Variants in AKAP11 observed in about 807,000 individuals in gnomAD.
The protein encoded by AKAP11 is A-kinase anchor protein 11.
AKAP11 carries 36 observed loss-of-function variants against 146.1 expected under a neutral mutation model. The ratio of observed to expected loss-of-function variants is 0.25; its 90% CI spans 0.19 to 0.33. The LOEUF (loss-of-function observed/expected upper bound fraction) is 0.33. AKAP11 is among the 10% of genes least tolerant of loss of function. The pLI is 1.00. For synonymous variants in AKAP11, 780 were observed against 786.5 expected, an observed-to-expected ratio of 0.99 and a Z score of 0.14; for missense variants, 2,201 against 2,197.0, an observed-to-expected ratio of 1.00 and a Z score of -0.04.
chr13:42,286,164 G>A (rs898681565), intron 2 of AKAP11, 129 bp downstream of exon 2: 10 of 392,396 alleles, frequency 2.5e-5, no homozygotes, highest in African/African-American at 1.7e-4. Context: ...GTAAATTGGG[G>A]GGGGTGCTCA....
At chr13:42,275,951 G>T (rs1958906186) in intron 1 of AKAP11, among the ~76,000 whole-genome samples, 1 of 152,204 alleles carries the variant, frequency 6.6e-6, no homozygotes, top group South Asian at 2.1e-4. Context: ...TAGAAGTCCA[G>T]TGCTGACCAC....
chr13:42,315,501 A>G (rs900099855), intron 11 of AKAP11, among the ~76,000 whole-genome samples: 1 of 152,098 alleles, frequency 6.6e-6, no homozygotes, highest in African/African-American at 2.4e-5. Flanking sequence ...TACATCGTAT[A>G]AATGCATGTG....
chr13:42,288,703 T>C (rs1345218493), intron 3 of AKAP11, among the ~76,000 whole-genome samples: 1 of 152,230 alleles, frequency 6.6e-6, no homozygotes, highest in Non-Finnish European at 1.5e-5. Context: ...GCATTTCTTT[T>C]GGTTTGAAAG....
intron 1 of AKAP11, among the ~76,000 whole-genome samples, chr13:42,283,316 A>G (rs1959101310): frequency 1.3e-5 from 2 of 152,202 alleles, no homozygotes; most frequent in African/African-American, 2.4e-5. Flanking sequence ...TTTCTCTTTC[A>G]TTAATTTCAA....
chr13:42,302,393 C>A lies in AKAP11; in HGVS notation c.3647C>A (p.Ser1216Tyr). The change falls in exon 8 of 13, where the codon TCC becomes TAC. Residue 1216 changes from serine to tyrosine, a missense_variant. Physicochemically the swap from Ser to Tyr is moderately radical, Grantham distance 144. Around this residue, in one of 3 missense-constraint regions of AKAP11, gnomAD observed 1,867 missense variants for 1,833.5 expected, o/e 1.02. Transcript: ENST00000025301. ...TCTCTTGCAACTGAAATGGCAGCTTCCCATTTAGATAACAAAATAATTCAA... is the reference window on the plus strand; with the variant it reads ...TCTCTTGCAACTGAAATGGCAGCTTACCATTTAGATAACAAAATAATTCAA... ...ILSLATEMAASHLDNKIIQEP... is the reference protein window; with the variant it reads ...ILSLATEMAAYHLDNKIIQEP... 1 of 1,614,090 alleles carries A rather than the reference C, an allele frequency of 6.2e-7. No individual in the cohort carries two copies. Among genetic ancestry groups the A allele is most frequent in the Non-Finnish European group, 8.5e-7 (1 of 1,180,006 alleles).
chr13:42,317,146 G>A (rs968862454), intron 11 of AKAP11, among the ~76,000 whole-genome samples: 1 of 152,126 alleles, frequency 6.6e-6, no homozygotes, highest in Non-Finnish European at 1.5e-5. Context: ...CCAGAGTGCT[G>A]GGATTACAGG....
At chr13:42,306,378 T>A (rs1960261398) in intron 8 of AKAP11, among the ~76,000 whole-genome samples, 1 of 152,216 alleles carries the variant, frequency 6.6e-6, no homozygotes, top group Non-Finnish European at 1.5e-5. Flanking sequence ...GAGACTGTCC[T>A]CTAAAGTTTT....
chr13:42,303,451 T>G lies in AKAP11; in HGVS notation c.4705T>G (p.Ser1569Ala). The G allele has an allele frequency of 6.2e-7, 1 of 1,614,136 alleles. No individual in the cohort carries two copies. The highest frequency in any genetic ancestry group is 8.5e-7 in the Non-Finnish European group (1 of 1,180,012). Reference protein sequence around the residue: ...TVFRVSETTKSADRVTYAEKL... With the variant: ...TVFRVSETTKAADRVTYAEKL... Reference sequence around the variant, plus strand: ...GTTCCGAGTGTCTGAGACCACAAAATCAGCAGACAGGGTCACTTATGCAGA... The same window carrying G: ...GTTCCGAGTGTCTGAGACCACAAAAGCAGCAGACAGGGTCACTTATGCAGA... The change falls in exon 8 of 13, where the codon TCA (serine) becomes GCA (alanine). Residue 1569 changes from serine to alanine, a missense_variant. Physicochemically the swap from Ser to Ala is moderately conservative, Grantham distance 99 (BLOSUM62 1). Coordinates refer to ENST00000025301, the MANE Select transcript of AKAP11 (RefSeq NM_016248.4).
At position 42,317,671 on chromosome 13, in the gene AKAP11, A is replaced by T. The variant is rs745934112; in HGVS notation, c.5548A>T (p.Asn1850Tyr). 6.2e-7 allele frequency: 1 copy of T among 1,614,014 alleles called. No homozygotes were observed. ...VAELYFHDSA[N>Y]KEFMLLSKQL... is the part of the protein sequence containing the mutation. ...AGAACTTTATTTTCATGACTCTGCA[A>T]ATAAGGAGTTTATGCTAGTAAGTAC... The change falls in exon 12 of 13, where the codon AAT becomes TAT. Residue 1850 changes from asparagine (N) to tyrosine (Y), a missense_variant. Coordinates refer to ENST00000025301, the MANE Select transcript of AKAP11 (RefSeq NM_016248.4).
At chr13:42,318,272 G>A (rs1307018875) in intron 12 of AKAP11, among the ~76,000 whole-genome samples, 1 of 152,120 alleles carries the variant, frequency 6.6e-6, no homozygotes, top group East Asian at 1.9e-4. Context: ...TTCCTTTTGG[G>A]GTGGTAGAAA....
rs546960326 is a variant in AKAP11, at chr13:42,299,618, A to G, written c.872A>G (p.Asp291Gly). The G allele has an allele frequency of 6.2e-7, 1 of 1,614,002 alleles. No individual in the cohort carries two copies. Among genetic ancestry groups the G allele is most frequent in the East Asian group, 2.2e-5 (1 of 44,884 alleles). ...AGGTCATCTAATGCTTCAGATAAAG[A>G]TAGTGATTTACAGAAAACATTTTTT... ...FYRSSNASDK[D>G]SDLQKTFFSS... The change falls in exon 8 of 13, where the codon GAT (aspartate) becomes GGT (glycine). Residue 291 changes from aspartate (D) to glycine (G), a missense_variant. Asp to Gly is a moderately conservative substitution (Grantham distance 94). Around this residue, in one of 3 missense-constraint regions of AKAP11, gnomAD observed 331 missense variants for 347.4 expected, o/e 0.95. Transcript: ENST00000025301.
chr13:42,281,264 T>C (rs1959051641), intron 1 of AKAP11, among the ~76,000 whole-genome samples: 1 of 152,202 alleles, frequency 6.6e-6, no homozygotes, highest in Non-Finnish European at 1.5e-5. Flanking sequence ...GAGAGACAAG[T>C]TTTTCTCAAC....
rs755014205 is a variant in AKAP11, at chr13:42,300,745, T to C, written c.1999T>C (p.Tyr667His). ...EGIMEVCQFS[Y>H]PQTPASPQCG... ...CATCATGGAGGTGTGTCAGTTTTCA[T>C]ATCCTCAAACGCCTGCATCTCCACA... The change falls in exon 8 of 13, where the codon TAT becomes CAT. Residue 667 changes from tyrosine to histidine, a missense_variant. By Grantham distance (83) the Tyr-to-His change is moderately conservative. This residue lies in a region of AKAP11 where 1,867 missense variants were observed against 1,833.5 expected (regional missense o/e 1.02). Coordinates refer to ENST00000025301, the MANE Select transcript of AKAP11 (RefSeq NM_016248.4). 24 of 1,613,964 alleles carry C rather than the reference T, an allele frequency of 1.5e-5. No individual in the cohort carries two copies. Among genetic ancestry groups the C allele is most frequent in the African/African-American group, 2.7e-5 (2 of 74,926 alleles).
At chr13:42,317,064 G>C (rs570173423) in intron 11 of AKAP11, among the ~76,000 whole-genome samples, 1 of 152,056 alleles carries the variant, frequency 6.6e-6, no homozygotes, top group Non-Finnish European at 1.5e-5. Flanking sequence ...TTTTAATAGC[G>C]CTGGGGTTTC....
At chr13:42,290,731 G>A (rs1336418506) in intron 3 of AKAP11, among the ~76,000 whole-genome samples, 1 of 152,048 alleles carries the variant, frequency 6.6e-6, no homozygotes, top group East Asian at 1.9e-4. Flanking sequence ...TTGGCCAGTG[G>A]GAATTCTTTC....
At chr13:42,288,287 C>T (rs61959439) in intron 3 of AKAP11, among the ~76,000 whole-genome samples, 18,784 of 152,176 alleles carry the variant, frequency 0.12, 1,305 homozygotes, top group South Asian at 0.17. Flanking sequence ...TTTTTTCTAA[C>T]ATTTTATTAT....
intron 3 of AKAP11, among the ~76,000 whole-genome samples, chr13:42,289,887 GA>G (rs1478951980): frequency 1.3e-5 from 2 of 152,002 alleles, no homozygotes; most frequent in Non-Finnish European, 2.9e-5. Flanking sequence ...GAAAAGTTGA[GA>G]AAAAAACCTA....
At position 42,308,534 on chromosome 13, in the gene AKAP11, C is replaced by G; in HGVS notation, c.5198C>G (p.Thr1733Ser). ...QMNLSIGDDS[T>S]GSWSNLSFED... is the part of the protein sequence containing the mutation. ...AACCTCAGTATTGGTGATGACAGCA[C>G]TGGTAGCTGGTCCAATTTAAGTTTT... The change falls in exon 9 of 13, where the codon ACT (threonine) becomes AGT (serine). Residue 1733 changes from threonine (T) to serine (S), a missense_variant. This residue lies in a region of AKAP11 where 1,867 missense variants were observed against 1,833.5 expected (regional missense o/e 1.02). Transcript: ENST00000025301. The G allele has an allele frequency of 6.2e-7, 1 of 1,613,420 alleles. No individual in the cohort carries two copies. Among genetic ancestry groups the G allele is most frequent in the East Asian group, 2.2e-5 (1 of 44,846 alleles).
intron 8 of AKAP11, 43 bp downstream of exon 8, chr13:42,303,906 A>G (rs1274396833): frequency 6.6e-7 from 1 of 1,520,432 alleles, no homozygotes; most frequent in Non-Finnish European, 8.8e-7. Flanking sequence ...TAAATTAAAA[A>G]GATAAATGTG....
Sources: allele counts gnomAD v4.1 joint callset (sites outside exome capture counted in the v4.1 genomes callset), GRCh38; gene constraint gnomAD v4.1.1; regional missense constraint gnomAD v4.1.1; transcripts MANE v1.5; gene names NCBI Gene and HGNC (gene_info 2026-07-23, HGNC 2026-07-21).